The following GNA11 variants were observed in gnomAD, a reference collection of about 807,000 sequenced individuals.
GNA11 encodes G protein subunit alpha 11.
A neutral mutation model predicts 38.2 loss-of-function variants in GNA11; 8 were observed. That is an observed-to-expected ratio of 0.21 (90% CI 0.12 to 0.38). The LOEUF (loss-of-function observed/expected upper bound fraction) is 0.38, where lower values mean the gene tolerates loss of function less well. Ranked by LOEUF, GNA11 falls within the 10% of genes least tolerant of loss-of-function variation. The pLI is 1.00. For synonymous variants in GNA11, 211 were observed against 221.4 expected, an observed-to-expected ratio of 0.95 and a Z score of 0.42; for missense variants, 268 against 516.3, an observed-to-expected ratio of 0.52 and a Z score of 4.66.
chr19:3,101,532 G>C (rs1010808845), intron 1 of GNA11, among the ~76,000 whole-genome samples: 4 of 146,784 alleles, frequency 2.7e-5, no homozygotes, highest in African/African-American at 1.0e-4. Context: ...GCCCTTGCTG[G>C]TGGCCTGGGT....
Position 3,119,256 on chromosome 19 carries a change from C to G in GNA11, c.786C>G (p.Pro262=). Residue 262 remains proline (P), a synonymous_variant, in exon 6 of 7, where the codon CCC becomes CCG. Coordinates refer to ENST00000078429, the MANE Select transcript of GNA11 (RefSeq NM_002067.5). The surrounding 1 kb of genome is among the most constrained non-coding windows in gnomAD (Gnocchi z 4.6). ...KALFRTIITY[P]WFQNSSVILF... The stretch of plus-strand genomic sequence containing the variant: ...TGTTCCGGACCATCATCACCTACCC[C>G]TGGTTCCAGAACTCCTCCGTCATCC... 6.2e-7 allele frequency: 1 copy of G among 1,613,936 alleles called. No homozygotes were observed. The highest frequency in any genetic ancestry group is 8.5e-7 in the Non-Finnish European group (1 of 1,179,880).
intron 3 of GNA11, among the ~76,000 whole-genome samples, chr19:3,114,215 G>T (rs767621755): frequency 1.3e-5 from 2 of 152,200 alleles, no homozygotes; most frequent in Non-Finnish European, 2.9e-5. Context: ...AAACGCCAGG[G>T]CCTCCTCGCG....
At chr19:3,114,897 C>G in intron 3 of GNA11, 47 bp from the exon 4 acceptor site, 1 of 1,558,336 alleles carries the variant, frequency 6.4e-7, no homozygotes. Context: ...CCTGTCCTGC[C>G]CCCCCACCCC....
rs113762177 is a variant in GNA11 at position 3,103,047 on chromosome 19, C to T, written c.137-7102C>T. Reference sequence around the variant, plus strand: ...GGGGGCTTCCTGGCTTCTCGGCCCACATCTCACAGTCTTGGGCACTGTGGG... The same window carrying T: ...GGGGGCTTCCTGGCTTCTCGGCCCATATCTCACAGTCTTGGGCACTGTGGG... On this transcript the variant is annotated intron_variant, in intron 1 of 6. Transcript: ENST00000078429. 2.7e-3 allele frequency among the ~76,000 whole-genome samples: 415 copies of T among 152,336 alleles called. 1 individual carries two copies. Among genetic ancestry groups the T allele is most frequent in the African/African-American group, 9.5e-3 (396 of 41,584 alleles).
At chr19:3,098,514 TGGGAATG>T (rs1167844212) in intron 1 of GNA11, among the ~76,000 whole-genome samples, 1 of 152,106 alleles carries the variant, frequency 6.6e-6, no homozygotes, top group Non-Finnish European at 1.5e-5. Flanking sequence ...GGGACTTCCA[TGGGAATG>T]CCTGTTCCCA....
chr19:3,095,661 C>T (rs909976885), intron 1 of GNA11, among the ~76,000 whole-genome samples: 2 of 152,134 alleles, frequency 1.3e-5, no homozygotes, highest in Non-Finnish European at 2.9e-5. Context: ...GACAGTCTTT[C>T]CTCTCCTCAG....
chr19:3,102,754 C>T (rs1240451522), intron 1 of GNA11, among the ~76,000 whole-genome samples: 1 of 152,224 alleles, frequency 6.6e-6, no homozygotes, highest in Non-Finnish European at 1.5e-5. Context: ...TCCTCCGCTG[C>T]AGGAGGGCTG....
At chr19:3,113,561 C>T (rs375869804) in intron 3 of GNA11, 77 bp downstream of exon 3, 1,033 of 1,173,964 alleles carry the variant, frequency 8.8e-4, no homozygotes, top group Non-Finnish European at 1.1e-3. Flanking sequence ...GGAAGGCCTC[C>T]GCGGCGTCTG....
At chr19:3,109,339 G>A (rs770647674) in intron 1 of GNA11, among the ~76,000 whole-genome samples, 2 of 152,212 alleles carry the variant, frequency 1.3e-5, no homozygotes, top group Non-Finnish European at 2.9e-5. Context: ...GCGACAGCTG[G>A]CCACATGGGC....
At chr19:3,111,319 A>C in intron 2 of GNA11, among the ~76,000 whole-genome samples, 1 of 150,752 alleles carries the variant, frequency 6.6e-6, no homozygotes, top group African/African-American at 2.4e-5. Context: ...ATCGGCCGTC[A>C]CTCCCACCCC....
chr19:3,100,613 G>T (rs1355558901), intron 1 of GNA11, among the ~76,000 whole-genome samples: 1 of 152,160 alleles, frequency 6.6e-6, no homozygotes, highest in Non-Finnish European at 1.5e-5. Flanking sequence ...CCTGCCTGTG[G>T]GCCTGTGCAC....
chr19:3,103,066 C>T (rs1201896268), intron 1 of GNA11, among the ~76,000 whole-genome samples: 1 of 152,162 alleles, frequency 6.6e-6, no homozygotes, highest in East Asian at 1.9e-4. Context: ...GTCTTGGGCA[C>T]TGTGGGGCTC....
chr19:3,110,339 C>T lies in GNA11; in HGVS notation c.321+6C>T. 1 of 1,598,984 alleles carries T rather than the reference C, an allele frequency of 6.3e-7. No homozygotes were observed. The highest frequency in any genetic ancestry group is 8.5e-7 in the Non-Finnish European group (1 of 1,171,494). On this transcript the variant is annotated splice_donor_region_variant and intron_variant, in intron 2 of 6. Coordinates refer to ENST00000078429, the MANE Select transcript of GNA11 (RefSeq NM_002067.5). This position sits in a 1 kb window ranked among gnomAD's most constrained non-coding sequence, Gnocchi z 5.4. Reference sequence around the variant, plus strand: ...ACAAGTACGAGCAGAACAAGGTGAGCCCGCGGGCGCCTGGGGAGGGGAGCG... The same window carrying T: ...ACAAGTACGAGCAGAACAAGGTGAGTCCGCGGGCGCCTGGGGAGGGGAGCG...
At chr19:3,117,019 T>C (rs1682800) in intron 4 of GNA11, 123,514 of 152,264 alleles carry the variant, frequency 0.81, 50,462 homozygotes, top group Non-Finnish European at 0.86. Context: ...GATGGAGCAA[T>C]GTGGCCACAA....
chr19:3,109,222 C>T (rs1230036043), intron 1 of GNA11, among the ~76,000 whole-genome samples: 2 of 151,016 alleles, frequency 1.3e-5, no homozygotes, highest in East Asian at 3.8e-4. Flanking sequence ...GACGGAGTCT[C>T]TGCCCAGGAG....
At chr19:3,115,209 C>T in intron 4 of GNA11, 137 bp downstream of exon 4, 6 of 950,980 alleles carry the variant, frequency 6.3e-6, no homozygotes, top group Non-Finnish European at 9.6e-6. Context: ...TTTGAGACCA[C>T]CCTGGGCAAC....
At position 3,119,410 on chromosome 19, in the gene GNA11, G is replaced by A. The variant is rs576875850; in HGVS notation, c.889+51G>A. The stretch of plus-strand genomic sequence containing the variant: ...GGGCTCGCGGGCAGGGCCTTACTGG[G>A]GGGAGGGGGCTGATATGGGAGAGGG... On this transcript the variant is annotated intron_variant, in intron 6 of 6. Transcript: ENST00000078429. The surrounding 1 kb of genome is among the most constrained non-coding windows in gnomAD (Gnocchi z 4.6). 4.5e-6 allele frequency: 7 copies of A among 1,560,762 alleles called. No individual in the cohort carries two copies. The East Asian group carries it at 1.6e-4, about 35-fold the overall frequency.
chr19:3,116,574 C>T (rs1186983522), intron 4 of GNA11, among the ~76,000 whole-genome samples: 1 of 152,244 alleles, frequency 6.6e-6, no homozygotes, highest in African/African-American at 2.4e-5. Context: ...TATAACCTGT[C>T]CTTGGCCAGG....
Position 3,121,438 on chromosome 19 carries a change from A to T in GNA11, c.*259A>T. The T allele has an allele frequency of 6.7e-6, 2 of 297,674 alleles. No individual in the cohort carries two copies. Among genetic ancestry groups the T allele is most frequent in the Non-Finnish European group, 1.2e-5 (2 of 165,688 alleles). 18.4% of individuals were successfully genotyped at this position (297,674 alleles called of 1,614,324 possible). On this transcript the variant is annotated 3_prime_UTR_variant, in exon 7 of 7. Coordinates refer to ENST00000078429, the MANE Select transcript of GNA11 (RefSeq NM_002067.5). Reference sequence around the variant, plus strand: ...GGCAGCCTTTTTCTGGCCTTGACTTATGGCTCGCTTTTTTCTAAAAAAAAA... The same window carrying T: ...GGCAGCCTTTTTCTGGCCTTGACTTTTGGCTCGCTTTTTTCTAAAAAAAAA...
Sources: gnomAD v4.1 joint callset for allele counts (sites outside exome capture counted in the v4.1 genomes callset) on GRCh38, gnomAD v4.1.1 for gene constraint, Gnocchi (gnomAD v3.1) non-coding constraint, MANE v1.5 for transcripts, NCBI Gene and HGNC (gene_info 2026-07-23, HGNC 2026-07-21) for gene names.